The following PRDM11 variants were observed in gnomAD, a reference collection of about 807,000 sequenced individuals.
PRDM11 encodes the protein PR/SET domain 11, also known as PR domain-containing protein 11.
PRDM11 carries 20 observed loss-of-function variants against 97.8 expected under a neutral mutation model. The observed-to-expected ratio is 0.20, with a 90% confidence interval of 0.14 to 0.30. The LOEUF (loss-of-function observed/expected upper bound fraction) is 0.30. Among genes scored for constraint, PRDM11 ranks in the 10% least tolerant of loss-of-function variants. The pLI is 1.00. For synonymous variants in PRDM11, 599 were observed against 637.7 expected, an observed-to-expected ratio of 0.94 and a Z score of 0.91; for missense variants, 1,139 against 1,555.2, an observed-to-expected ratio of 0.73 and a Z score of 4.50.
At chr11:45,222,340 A>G (rs1483337542) in intron 6 of PRDM11, among the ~76,000 whole-genome samples, 1 of 152,216 alleles carries the variant, frequency 6.6e-6, no homozygotes, top group Non-Finnish European at 1.5e-5. Context: ...TCAAACAATG[A>G]CGAGGAATCT....
chr11:45,180,590 C>A (rs919043116), intron 1 of PRDM11, among the ~76,000 whole-genome samples: 12 of 151,602 alleles, frequency 7.9e-5, no homozygotes, highest in Non-Finnish European at 1.8e-4. Context: ...TGCGCGCCCC[C>A]CTCCCGGCCG....
chr11:45,140,097 T>C (rs765378023), intron 1 of PRDM11, among the ~76,000 whole-genome samples: 6 of 152,206 alleles, frequency 3.9e-5, no homozygotes, highest in Non-Finnish European at 8.8e-5. Context: ...AAAAAGGACA[T>C]TTGAACACCA....
intron 7 of PRDM11, 35 bp downstream of exon 7, chr11:45,224,878 C>G (rs1854232487): frequency 6.2e-7 from 1 of 1,607,464 alleles, no homozygotes; most frequent in African/African-American, 1.3e-5. Flanking sequence ...TGTCGGAGGG[C>G]AGAGTACGCA....
intron 1 of PRDM11, among the ~76,000 whole-genome samples, chr11:45,097,368 A>C (rs1230227466): frequency 6.6e-6 from 1 of 152,200 alleles, no homozygotes; most frequent in Non-Finnish European, 1.5e-5. Context: ...AGTCTGAGGA[A>C]TAGTAGCTAC....
At chr11:45,123,213 G>A (rs1446064303) in intron 1 of PRDM11, among the ~76,000 whole-genome samples, 2 of 152,106 alleles carry the variant, frequency 1.3e-5, no homozygotes, top group Non-Finnish European at 2.9e-5. Flanking sequence ...TTGTAAATTT[G>A]TTTGAGTTCA....
intron 4 of PRDM11, among the ~76,000 whole-genome samples, chr11:45,193,165 C>T (rs780729240): frequency 2.0e-5 from 3 of 152,238 alleles, no homozygotes; most frequent in Non-Finnish European, 2.9e-5. Context: ...TAACCTCAAA[C>T]TCCTGGACTT....
At chr11:45,218,294 G>A (rs1349002201) in intron 5 of PRDM11, among the ~76,000 whole-genome samples, 1 of 152,128 alleles carries the variant, frequency 6.6e-6, no homozygotes, top group Non-Finnish European at 1.5e-5. Flanking sequence ...GGTTGCACCT[G>A]TTAATTCTGC....
chr11:45,126,504 C>A (rs1164664136), intron 1 of PRDM11, among the ~76,000 whole-genome samples: 1 of 152,042 alleles, frequency 6.6e-6, no homozygotes, highest in Non-Finnish European at 1.5e-5. Flanking sequence ...TTAGTGCTTC[C>A]TTCAGGAGCT....
intron 1 of PRDM11, among the ~76,000 whole-genome samples, chr11:45,172,479 G>A (rs554065151): frequency 2.6e-5 from 4 of 152,146 alleles, no homozygotes; most frequent in African/African-American, 9.6e-5. Context: ...ATCCGGTGGG[G>A]CTCCTTATGA....
At chr11:45,103,822 G>A (rs1852019020) in intron 1 of PRDM11, among the ~76,000 whole-genome samples, 1 of 150,150 alleles carries the variant, frequency 6.7e-6, no homozygotes, top group African/African-American at 2.4e-5. Context: ...AAGAAAGGAA[G>A]CAATAACACT....
At chr11:45,179,956 C>T (rs1852426580) in intron 1 of PRDM11, among the ~76,000 whole-genome samples, 1 of 152,256 alleles carries the variant, frequency 6.6e-6, no homozygotes, top group South Asian at 2.1e-4. Flanking sequence ...CACAAATCCA[C>T]AGGGCCTTGC....
At chr11:45,209,065 C>T (rs1297244430) in intron 5 of PRDM11, 1 of 456,576 alleles carries the variant, frequency 2.2e-6, no homozygotes, top group African/African-American at 2.0e-5. Context: ...AGCCAGGTGC[C>T]CCGCTCCGTC....
intron 1 of PRDM11, among the ~76,000 whole-genome samples, chr11:45,130,893 AT>A (rs1370235555): frequency 6.6e-6 from 1 of 152,156 alleles, no homozygotes; most frequent in African/African-American, 2.4e-5. Flanking sequence ...AGCAATTTGA[AT>A]TGTAGGTAAC....
At chr11:45,187,879 A>C (rs1356436536) in intron 4 of PRDM11, among the ~76,000 whole-genome samples, 1 of 151,858 alleles carries the variant, frequency 6.6e-6, no homozygotes, top group Non-Finnish European at 1.5e-5. Context: ...GGGGAAAAGC[A>C]GGCGTGAAGA....
At chr11:45,181,982 G>T (rs1481555252) in intron 2 of PRDM11, 97 bp downstream of exon 2, 2 of 1,144,044 alleles carry the variant, frequency 1.7e-6, no homozygotes, top group Middle Eastern at 2.8e-4. Context: ...CTCACTCCTT[G>T]CCCACCTTCC....
rs745515866 is a variant in PRDM11, at chr11:45,213,160, C to A, written c.555-6410C>A. On this transcript the variant is annotated intron_variant, in intron 5 of 7. Coordinates refer to ENST00000683152, the MANE Select transcript of PRDM11 (RefSeq NM_001384648.1). The stretch of plus-strand genomic sequence containing the variant: ...GATGACCCTTGTAGGACACTGGGGG[C>A]GCTGTTACCTCCTCACCGAGCGCAG... The A allele has an allele frequency of 3.9e-5, 18 of 456,590 alleles. 1 individual carries two copies. Among genetic ancestry groups the A allele is most frequent in the East Asian group, 3.5e-4 (5 of 14,400 alleles). 28.3% of individuals were successfully genotyped at this position (456,590 alleles called of 1,614,324 possible).
At chr11:45,123,128 G>A (rs1852479005) in intron 1 of PRDM11, among the ~76,000 whole-genome samples, 1 of 152,066 alleles carries the variant, frequency 6.6e-6, no homozygotes, top group South Asian at 2.1e-4. Flanking sequence ...TTTTTTGGCT[G>A]CATACATGTC....
At chr11:45,096,135 C>T (rs1012066820) in intron 1 of PRDM11, among the ~76,000 whole-genome samples, 22 of 152,174 alleles carry the variant, frequency 1.4e-4, no homozygotes, top group Non-Finnish European at 1.2e-4. Flanking sequence ...TTGTTTGTTA[C>T]GGGCTTCTTT....
At chr11:45,212,256 G>A (rs1275798772) in intron 5 of PRDM11, among the ~76,000 whole-genome samples, 1 of 152,134 alleles carries the variant, frequency 6.6e-6, no homozygotes, top group African/African-American at 2.4e-5. Context: ...CTGTTCCGTT[G>A]AGAGGAAGAG....
Sources: allele counts gnomAD v4.1 joint callset (sites outside exome capture counted in the v4.1 genomes callset), GRCh38; gene constraint gnomAD v4.1.1; transcripts MANE v1.5; gene names NCBI Gene and HGNC (gene_info 2026-07-23, HGNC 2026-07-21).